Variants in TMEM154 observed in about 807,000 individuals in gnomAD.
TMEM154 encodes the protein transmembrane protein 154.
In TMEM154, 27 loss-of-function variants were observed where a neutral mutation model predicts 24.5. The observed-to-expected ratio is 1.10, with a 90% CI of 0.81 to 1.52. TMEM154 has a LOEUF of 1.52. Ranked by LOEUF, TMEM154 falls within the 40% of genes most tolerant of loss-of-function variation. The pLI, the probability that TMEM154 is intolerant of heterozygous loss-of-function variation, is 0.00. For missense variants in TMEM154, 228 were observed against 213.4 expected (o/e 1.07, Z -0.43); for synonymous variants, 67 against 76.8 (o/e 0.87, Z 0.67).
intron 3 of TMEM154, among the ~76,000 whole-genome samples, chr4:152,644,650 A>G (rs1370768060): frequency 1.3e-5 from 2 of 152,218 alleles, no homozygotes; most frequent in Non-Finnish European, 2.9e-5. Flanking sequence ...GCTTTCTTTT[A>G]GATGTGGATG....
chr4:152,648,346 C>T (rs1728307391), intron 3 of TMEM154, among the ~76,000 whole-genome samples: 1 of 151,916 alleles, frequency 6.6e-6, no homozygotes. Context: ...ATGTCAAAAA[C>T]TACTCAGGCA....
chr4:152,670,365 G>C (rs886069630), intron 1 of TMEM154, among the ~76,000 whole-genome samples: 1 of 152,124 alleles, frequency 6.6e-6, no homozygotes, highest in African/African-American at 2.4e-5. Context: ...AGGCCAAAGT[G>C]GGCGGATTAC....
chr4:152,644,420 C>A lies in TMEM154; in HGVS notation c.387G>T (p.Val129=). The change falls in exon 4 of 7, where the codon GTG becomes GTT. Residue 129 remains valine, a synonymous_variant. Transcript: ENST00000304385. ...LQTYELGSEN[V]KVPIFEEDTP... Reference sequence around the variant, plus strand: ...AAGCAGCAGGGAAAACTTACACTTTCACGTTTTCACTTCCCAGTTCATCTA... The same window carrying A: ...AAGCAGCAGGGAAAACTTACACTTTAACGTTTTCACTTCCCAGTTCATCTA... The A allele has an allele frequency of 6.2e-7, 1 of 1,614,166 alleles. No individual in the cohort carries two copies. The highest frequency in any genetic ancestry group is 1.7e-5 in the Admixed American group (1 of 60,014).
intron 6 of TMEM154, among the ~76,000 whole-genome samples, chr4:152,634,352 T>C (rs1752107848): frequency 6.6e-6 from 1 of 152,232 alleles, no homozygotes; most frequent in Non-Finnish European, 1.5e-5. Context: ...TAAACCTATG[T>C]TAAAACTTTC....
chr4:152,628,318 G>A lies in TMEM154; in HGVS notation c.*228C>T, dbSNP rs904506453. 4.9e-5 allele frequency: 34 copies of A among 697,918 alleles called. No homozygotes were observed. Among genetic ancestry groups the A allele is most frequent in the Non-Finnish European group, 7.7e-5 (32 of 417,728 alleles). 43.2% of individuals were successfully genotyped at this position (697,918 alleles called of 1,614,324 possible). ...CTCCTTCTCCACCCTCAGAGGCAGCGATGGATGGCAGCCAGGCCTTTTCCT... is the reference window on the plus strand; with the variant it reads ...CTCCTTCTCCACCCTCAGAGGCAGCAATGGATGGCAGCCAGGCCTTTTCCT... On this transcript the variant is annotated 3_prime_UTR_variant, in exon 7 of 7. Transcript: ENST00000304385.
At chr4:152,628,634 C>CTT in intron 6 of TMEM154, 73 bp from the exon 7 acceptor site, 1 of 1,118,234 alleles carries the variant, frequency 8.9e-7, no homozygotes. Context: ...TAATATATTT[C>CTT]TTTCTTTTTT....
chr4:152,643,301 C>T, intron 4 of TMEM154, 128 bp from the exon 5 acceptor site: 1 of 688,882 alleles, frequency 1.5e-6, no homozygotes, highest in Non-Finnish European at 2.4e-6. Flanking sequence ...TCTAGGGAAG[C>T]CTGGGGGCTT....
At chr4:152,630,090 G>T (rs1412689970) in intron 6 of TMEM154, among the ~76,000 whole-genome samples, 1 of 152,008 alleles carries the variant, frequency 6.6e-6, no homozygotes. Flanking sequence ...GAGGCAGGAG[G>T]ATTGCTTGAG....
chr4:152,671,607 C>T (rs1386915241), intron 1 of TMEM154, among the ~76,000 whole-genome samples: 1 of 150,040 alleles, frequency 6.7e-6, no homozygotes, highest in African/African-American at 2.5e-5. Flanking sequence ...ATTAGCCGGG[C>T]GTAGTGGCGG....
At chr4:152,633,012 A>G (rs530265501) in intron 6 of TMEM154, among the ~76,000 whole-genome samples, 1 of 152,368 alleles carries the variant, frequency 6.6e-6, no homozygotes, top group South Asian at 2.1e-4. Flanking sequence ...CAGGTTTTAC[A>G]TAAGTAGCCA....
intron 3 of TMEM154, among the ~76,000 whole-genome samples, chr4:152,645,865 C>T (rs1395078287): frequency 2.0e-5 from 3 of 151,896 alleles, no homozygotes; most frequent in African/African-American, 7.3e-5. Context: ...TCCTCCTGCC[C>T]TCCAGTAGGC....
intron 3 of TMEM154, among the ~76,000 whole-genome samples, chr4:152,652,112 A>T (rs937006149): frequency 6.6e-6 from 1 of 151,780 alleles, no homozygotes; most frequent in Non-Finnish European, 1.5e-5. Flanking sequence ...AAGATAACTG[A>T]TCACAGATCA....
At chr4:152,640,895 A>G in intron 6 of TMEM154, 33 bp downstream of exon 6, 8 of 1,186,472 alleles carry the variant, frequency 6.7e-6, no homozygotes, top group Middle Eastern at 2.0e-4. Context: ...CCCCCGCCAT[A>G]TACATGTAAT....
At chr4:152,650,381 AC>A (rs1728352826) in intron 3 of TMEM154, among the ~76,000 whole-genome samples, 4 of 152,044 alleles carry the variant, frequency 2.6e-5, no homozygotes. Flanking sequence ...AAAAAAAAAA[AC>A]AAAACTCTTT....
chr4:152,645,027 A>G (rs1276954828), intron 3 of TMEM154, among the ~76,000 whole-genome samples: 2 of 152,284 alleles, frequency 1.3e-5, no homozygotes, highest in African/African-American at 4.8e-5. Context: ...CTATTTAAAG[A>G]AGGGCCCATC....
chr4:152,670,291 T>G (rs1261195666), intron 1 of TMEM154, among the ~76,000 whole-genome samples: 2 of 152,178 alleles, frequency 1.3e-5, no homozygotes, highest in Non-Finnish European at 2.9e-5. Flanking sequence ...GTTCATACAT[T>G]AAAAGATTTG....
intron 1 of TMEM154, among the ~76,000 whole-genome samples, chr4:152,661,284 TTCTCTC>T (rs70949609): frequency 0.029 from 1,821 of 63,338 alleles, 12 homozygotes; most frequent in South Asian, 0.048. Flanking sequence ...ATTGTTCTCT[TTCTCTC>T]TCTCTCTCTC....
At chr4:152,643,451 C>T (rs183109179) in intron 4 of TMEM154, among the ~76,000 whole-genome samples, 25 of 152,322 alleles carry the variant, frequency 1.6e-4, no homozygotes, top group Non-Finnish European at 2.6e-4. Context: ...CTGACTGCTC[C>T]CCTGAAGGTG....
chr4:152,667,274 A>T (rs1342479157), intron 1 of TMEM154, among the ~76,000 whole-genome samples: 1 of 152,250 alleles, frequency 6.6e-6, no homozygotes, highest in African/African-American at 2.4e-5. Flanking sequence ...TGTCATACAT[A>T]CACGGTGTAT....
Sources: gnomAD v4.1 joint callset for allele counts (sites outside exome capture counted in the v4.1 genomes callset) on GRCh38, gnomAD v4.1.1 for gene constraint, MANE v1.5 for transcripts, NCBI Gene and HGNC (gene_info 2026-07-23, HGNC 2026-07-21) for gene names.